Variants in EYA1 observed in about 807,000 individuals in gnomAD.
EYA1 encodes protein phosphatase EYA1.
A neutral mutation model predicts 82.0 loss-of-function variants in EYA1; 16 were observed. The observed-to-expected ratio is 0.20, with a 90% CI of 0.13 to 0.30. The LOEUF is 0.30. Among genes scored for constraint, EYA1 ranks in the 10% least tolerant of loss-of-function variants. The pLI is 1.00. For synonymous variants in EYA1, 261 were observed against 264.4 expected, an observed-to-expected ratio of 0.99 and a Z score of 0.12; for missense variants, 633 against 730.7, an observed-to-expected ratio of 0.87 and a Z score of 1.54.
rs74570817 is a variant in EYA1 at position 71,276,153 on chromosome 8, G to A, written c.827-4256C>T. On this transcript the variant is annotated intron_variant, in intron 9 of 17. Transcript: ENST00000340726. ...TCAGCTGAAGAAAACACTATGTAAC[G>A]TCATTGATTACTTAGTAACATGGTC... is the stretch of plus-strand genomic sequence containing the variant. Among the ~76,000 whole-genome samples the A allele has an allele frequency of 2.3e-4, 35 of 152,248 alleles. No homozygotes were observed. In the East Asian group the frequency reaches 3.5e-3, roughly 15 times the overall value.
intron 2 of EYA1, among the ~76,000 whole-genome samples, chr8:71,528,967 G>A (rs1814035057): frequency 6.6e-6 from 1 of 152,154 alleles, no homozygotes; most frequent in Admixed American, 6.5e-5. Flanking sequence ...TGACGCTAGT[G>A]GCTGTATATA....
chr8:71,424,883 C>T (rs766067944), intron 2 of EYA1, among the ~76,000 whole-genome samples: 17 of 151,928 alleles, frequency 1.1e-4, no homozygotes, highest in Non-Finnish European at 1.9e-4. Flanking sequence ...GAATAGTCAC[C>T]AGATCTCTTC....
chr8:71,495,139 G>C (rs10101067), intron 2 of EYA1, among the ~76,000 whole-genome samples: 9,539 of 152,108 alleles, frequency 0.063, 347 homozygotes, highest in South Asian at 0.12. Flanking sequence ...ATATTAAAGA[G>C]ATAAATAGTG....
At chr8:71,229,397 A>G (rs1467020723) in intron 12 of EYA1, among the ~76,000 whole-genome samples, 2 of 152,188 alleles carry the variant, frequency 1.3e-5, no homozygotes, top group East Asian at 3.9e-4. Flanking sequence ...CATTTGATGA[A>G]TAAGCAAAGA....
At chr8:71,366,375 G>A (rs541738574), upstream of EYA1, among the ~76,000 whole-genome samples, 1 of 152,216 alleles carries the variant, frequency 6.6e-6, no homozygotes, top group African/African-American at 2.4e-5. Flanking sequence ...AATTGGTCCT[G>A]GAAGCATATG....
At chr8:71,238,657 CTA>C (rs1328104599) in intron 12 of EYA1, among the ~76,000 whole-genome samples, 23 of 151,708 alleles carry the variant, frequency 1.5e-4, no homozygotes, top group African/African-American at 5.3e-4. Context: ...TTTTTGAATT[CTA>C]TATTTCTTCA....
chr8:71,256,034 T>A (rs191078331), intron 11 of EYA1, among the ~76,000 whole-genome samples: 187 of 151,780 alleles, frequency 1.2e-3, no homozygotes, highest in Non-Finnish European at 1.8e-3. Context: ...ATGGCTACTA[T>A]CAGAAAACAA....
chr8:71,521,597 A>T (rs890625587), intron 2 of EYA1, among the ~76,000 whole-genome samples: 2 of 152,196 alleles, frequency 1.3e-5, no homozygotes, highest in Non-Finnish European at 2.9e-5. Flanking sequence ...ATCACTGTAG[A>T]ATTCTCTTCT....
intron 2 of EYA1, among the ~76,000 whole-genome samples, chr8:71,379,676 C>A (rs1469451890): frequency 6.6e-6 from 1 of 152,076 alleles, no homozygotes; most frequent in Non-Finnish European, 1.5e-5. Context: ...CTCAATCTGC[C>A]CTCAACACTG....
chr8:71,264,615 T>C (rs1815549196), intron 11 of EYA1, among the ~76,000 whole-genome samples: 2 of 151,528 alleles, frequency 1.3e-5, no homozygotes, highest in African/African-American at 4.9e-5. Flanking sequence ...TCTTACTCTG[T>C]CACCCAGGCT....
chr8:71,457,883 TA>T (rs967761458), intron 2 of EYA1, among the ~76,000 whole-genome samples: 16 of 151,904 alleles, frequency 1.1e-4, no homozygotes, highest in Admixed American at 1.3e-4. Context: ...TAAGGTATAA[TA>T]AAAAAAAGAA....
At chr8:71,373,211 G>A (rs1484034270) in intron 2 of EYA1, among the ~76,000 whole-genome samples, 3 of 152,020 alleles carry the variant, frequency 2.0e-5, no homozygotes, top group African/African-American at 7.2e-5. Context: ...TCTGTTTGCT[G>A]GTGATATGAT....
intron 3 of EYA1, among the ~76,000 whole-genome samples, chr8:71,345,526 A>G (rs1825600669): frequency 6.6e-6 from 1 of 152,182 alleles, no homozygotes; most frequent in African/African-American, 2.4e-5. Context: ...CTCAAAATGC[A>G]TATGTTAGTT....
At chr8:71,516,742 T>A (rs1215227846) in intron 2 of EYA1, among the ~76,000 whole-genome samples, 3 of 152,088 alleles carry the variant, frequency 2.0e-5, no homozygotes, top group Non-Finnish European at 4.4e-5. Flanking sequence ...TTTCCCACAT[T>A]CCTGAGTGGA....
chr8:71,240,421 A>C (rs372170752), intron 12 of EYA1, among the ~76,000 whole-genome samples: 19 of 152,188 alleles, frequency 1.2e-4, no homozygotes, highest in Non-Finnish European at 2.5e-4. Context: ...GTCTGCTCCA[A>C]CTAAACAATG....
At chr8:71,400,315 G>T (rs1328425004) in intron 2 of EYA1, among the ~76,000 whole-genome samples, 1 of 152,164 alleles carries the variant, frequency 6.6e-6, no homozygotes, top group African/African-American at 2.4e-5. Flanking sequence ...TTGAACTAAA[G>T]AGCTTCTGCA....
At chr8:71,366,248 T>A (rs1827746498), upstream of EYA1, among the ~76,000 whole-genome samples, 1 of 152,054 alleles carries the variant, frequency 6.6e-6, no homozygotes, top group Non-Finnish European at 1.5e-5. Context: ...GAAAGGGGGA[T>A]GAGATAATGC....
intron 9 of EYA1, among the ~76,000 whole-genome samples, chr8:71,287,429 G>A (rs537028778): frequency 6.6e-5 from 10 of 152,090 alleles, no homozygotes; most frequent in Admixed American, 3.3e-4. Context: ...CCCTGTTCAC[G>A]CAGGCACTAA....
chr8:71,273,850 T>C (rs1816829680), intron 9 of EYA1, among the ~76,000 whole-genome samples: 2 of 152,230 alleles, frequency 1.3e-5, no homozygotes, highest in Admixed American at 1.3e-4. Context: ...TAAGTTAGCA[T>C]GTTACAACTT....
Sources: gnomAD v4.1 joint callset for allele counts (sites outside exome capture counted in the v4.1 genomes callset) on GRCh38, gnomAD v4.1.1 for gene constraint, MANE v1.5 for transcripts, NCBI Gene and HGNC (gene_info 2026-07-23, HGNC 2026-07-21) for gene names.